The following RPA1 variants were observed in gnomAD, a reference collection of about 807,000 sequenced individuals.
RPA1 encodes replication protein A1, also known as replication protein A 70 kDa DNA-binding subunit.
RPA1 carries 49 observed loss-of-function variants against 83.0 expected under a neutral mutation model. That is an observed-to-expected ratio of 0.59 (90% CI 0.47 to 0.75). The LOEUF (loss-of-function observed/expected upper bound fraction) is 0.75, where lower values mean the gene tolerates loss of function less well. RPA1 is among the 30% of genes least tolerant of loss of function. The pLI is 0.00. For missense variants in RPA1, 693 were observed against 776.1 expected (o/e 0.89, Z 1.27); for synonymous variants, 279 against 281.8 (o/e 0.99, Z 0.10).
intron 16 of RPA1, among the ~76,000 whole-genome samples, chr17:1,895,807 C>T (rs1356372093): frequency 6.6e-6 from 1 of 151,804 alleles, no homozygotes; most frequent in Non-Finnish European, 1.5e-5. Flanking sequence ...CTTAGCCCCT[C>T]GAGTAGCTGG....
intron 1 of RPA1, among the ~76,000 whole-genome samples, chr17:1,834,632 T>C (rs1282569464): frequency 1.3e-5 from 2 of 152,206 alleles, no homozygotes; most frequent in East Asian, 3.8e-4. Flanking sequence ...GTCAACAGAA[T>C]ACATAGCATT....
At chr17:1,835,236 A>G (rs1166655777) in intron 1 of RPA1, among the ~76,000 whole-genome samples, 4 of 151,204 alleles carry the variant, frequency 2.6e-5, no homozygotes, top group Non-Finnish European at 5.9e-5. Context: ...GCAACCTCCA[A>G]CTCCTGGGCT....
At chr17:1,851,461 A>T (rs1331236946) in intron 4 of RPA1, among the ~76,000 whole-genome samples, 1 of 152,114 alleles carries the variant, frequency 6.6e-6, no homozygotes, top group Non-Finnish European at 1.5e-5. Flanking sequence ...AGTTTCCCCC[A>T]GTCTGGATTT....
intron 1 of RPA1, 29 bp downstream of exon 1, chr17:1,830,155 G>A: frequency 8.1e-7 from 1 of 1,238,618 alleles, no homozygotes; most frequent in Non-Finnish European, 1.0e-6. Flanking sequence ...CTGGGCCGGC[G>A]GTCCGGGGTG....
chr17:1,879,689 G>C lies in RPA1; in HGVS notation c.1082G>C (p.Trp361Ser). Residue 361 changes from tryptophan (W) to serine (S), a missense_variant, in exon 11 of 17, where the codon TGG (tryptophan) becomes TCG (serine). Physicochemically the swap from Trp to Ser is radical, Grantham distance 177. Transcript: ENST00000254719. ...TSGKVVTATLWGEDADKFDGS... is the reference protein window; with the variant it reads ...TSGKVVTATLSGEDADKFDGS... ...GGGAAGGTGGTGACTGCTACACTGT[G>C]GGGGGAAGATGTAAGTGCTGGGATG... is the stretch of plus-strand genomic sequence containing the variant. 1.2e-6 allele frequency: 2 copies of C among 1,613,688 alleles called. No individual in the cohort carries two copies. The highest frequency in any genetic ancestry group is 2.2e-5 in the East Asian group (1 of 44,882).
At chr17:1,874,012 A>AAAAAAAAATATATAT (rs1555592994) in intron 6 of RPA1, among the ~76,000 whole-genome samples, 1 of 93,866 alleles carries the variant, frequency 1.1e-5, no homozygotes, top group African/African-American at 5.1e-5. Context: ...AAAAAAAAAA[A>AAAAAAAAATATATAT]ATATATATAT....
intron 6 of RPA1, among the ~76,000 whole-genome samples, chr17:1,873,148 A>G (rs1451538903): frequency 6.6e-6 from 1 of 152,122 alleles, no homozygotes; most frequent in African/African-American, 2.4e-5. Context: ...TCCAGGACCC[A>G]CTTACTAAGT....
At chr17:1,876,281 G>A (rs376152595) in intron 7 of RPA1, among the ~76,000 whole-genome samples, 10 of 152,150 alleles carry the variant, frequency 6.6e-5, no homozygotes, top group Non-Finnish European at 1.3e-4. Flanking sequence ...GAAGCCGGGC[G>A]CGGTGGCTCA....
intron 8 of RPA1, among the ~76,000 whole-genome samples, chr17:1,878,550 G>T (rs781319594): frequency 2.0e-4 from 30 of 152,180 alleles, no homozygotes; most frequent in Non-Finnish European, 3.8e-4. Context: ...TTTGGCAATG[G>T]CTCCGAATGT....
chr17:1,836,915 G>A (rs1465799945), intron 1 of RPA1, among the ~76,000 whole-genome samples: 1 of 149,644 alleles, frequency 6.7e-6, no homozygotes, highest in East Asian at 2.0e-4. Context: ...TCAGCTCACT[G>A]CAACCTCTGC....
intron 6 of RPA1, among the ~76,000 whole-genome samples, chr17:1,874,010 A>ATAT (rs1474055207): frequency 9.9e-6 from 1 of 100,964 alleles, no homozygotes; most frequent in Admixed American, 1.1e-4. Context: ...AAAAAAAAAA[A>ATAT]AAATATATAT....
At chr17:1,895,659 G>GTATT (rs1555596983) in intron 16 of RPA1, among the ~76,000 whole-genome samples, 23,410 of 140,996 alleles carry the variant, frequency 0.17, 1,978 homozygotes, top group East Asian at 0.27. Context: ...ATACCATATA[G>GTATT]TATTTATTTA....
chr17:1,878,585 A>G (rs953973339), intron 8 of RPA1, among the ~76,000 whole-genome samples: 4 of 152,218 alleles, frequency 2.6e-5, no homozygotes, highest in Non-Finnish European at 4.4e-5. Context: ...CTGAGAGGGC[A>G]CTGTGGAGGG....
chr17:1,874,032 T>TATATATATACAC (rs1171343408), intron 6 of RPA1, among the ~76,000 whole-genome samples: 20 of 79,252 alleles, frequency 2.5e-4, no homozygotes, highest in African/African-American at 1.2e-3. Flanking sequence ...TATATATATA[T>TATATATATACAC]ACACACACAC....
intron 4 of RPA1, among the ~76,000 whole-genome samples, chr17:1,849,015 G>A (rs1261697331): frequency 2.6e-5 from 4 of 152,178 alleles, no homozygotes; most frequent in Non-Finnish European, 5.9e-5. Context: ...TTTGTGGACA[G>A]ACGTTTCCAT....
chr17:1,836,184 T>C (rs1440627362), intron 1 of RPA1, among the ~76,000 whole-genome samples: 1 of 152,102 alleles, frequency 6.6e-6, no homozygotes, highest in Non-Finnish European at 1.5e-5. Flanking sequence ...TGATCTCAGC[T>C]CACTGCAACC....
intron 16 of RPA1, 81 bp downstream of exon 16, chr17:1,895,176 C>T: frequency 1.8e-6 from 2 of 1,127,048 alleles, no homozygotes; most frequent in Non-Finnish European, 1.3e-6. Context: ...CACTCCCTGG[C>T]AGGGAGTTAC....
chr17:1,840,600 A>AG (rs1393965367), intron 1 of RPA1, among the ~76,000 whole-genome samples: 1 of 151,834 alleles, frequency 6.6e-6, no homozygotes, highest in African/African-American at 2.4e-5. Context: ...TTATAGAGAC[A>AG]GGTCTCCTTC....
chr17:1,892,091 C>T (rs1304292699), intron 15 of RPA1, 151 bp downstream of exon 15: 2 of 453,424 alleles, frequency 4.4e-6, no homozygotes, highest in East Asian at 3.3e-5. Flanking sequence ...ACCGCAGTCT[C>T]CGCCTCCCGG....
Sources: gnomAD v4.1 joint callset for allele counts (sites outside exome capture counted in the v4.1 genomes callset) on GRCh38, gnomAD v4.1.1 for gene constraint, MANE v1.5 for transcripts, NCBI Gene and HGNC (gene_info 2026-07-23, HGNC 2026-07-21) for gene names.